The following CSGALNACT1 variants were observed in gnomAD, a reference collection of about 807,000 sequenced individuals.
CSGALNACT1 encodes the protein beta4GalNAcT-1.
In CSGALNACT1, 52 loss-of-function variants were observed where a neutral mutation model predicts 51.0. The observed-to-expected ratio is 1.02, with a 90% CI of 0.82 to 1.29. The LOEUF is 1.29. Among genes scored for constraint, CSGALNACT1 ranks in the 50% most tolerant of loss-of-function variants. The pLI, the probability that CSGALNACT1 is intolerant of heterozygous loss-of-function variation, is 0.00. For synonymous variants in CSGALNACT1, 341 were observed against 254.4 expected (o/e 1.34, Z -3.24); for missense variants, 935 against 679.2 (o/e 1.38, Z -4.19).
intron 1 of CSGALNACT1, among the ~76,000 whole-genome samples, chr8:19,623,129 A>T (rs1204671564): frequency 6.6e-6 from 1 of 152,230 alleles, no homozygotes; most frequent in East Asian, 1.9e-4. Flanking sequence ...GTTAAAAAAC[A>T]TATGCAAATA....
intron 2 of CSGALNACT1, among the ~76,000 whole-genome samples, chr8:19,599,494 A>AAGAAAGAAAGAAAGAC (rs2049860098): frequency 2.0e-5 from 3 of 149,094 alleles, no homozygotes; most frequent in Non-Finnish European, 3.0e-5. Context: ...GAAAGAAAGA[A>AAGAAAGAAAGAAAGAC]AGAAAGAAAG....
At chr8:19,666,943 A>AAAAGAAAG (rs1159962282) in intron 1 of CSGALNACT1, among the ~76,000 whole-genome samples, 9 of 79,474 alleles carry the variant, frequency 1.1e-4, no homozygotes, top group East Asian at 3.5e-4. Context: ...GAGAGAGAGA[A>AAAAGAAAG]AAAGAAAGAA....
intron 1 of CSGALNACT1, among the ~76,000 whole-genome samples, chr8:19,674,493 G>A (rs1393439298): frequency 6.6e-6 from 1 of 152,138 alleles, no homozygotes. Flanking sequence ...AGGTGAAGGC[G>A]ACTGCAGAAG....
intron 3 of CSGALNACT1, among the ~76,000 whole-genome samples, chr8:19,567,300 G>A (rs1255545086): frequency 3.3e-5 from 5 of 152,190 alleles, no homozygotes; most frequent in East Asian, 1.9e-4. Flanking sequence ...TCCAGCAGTC[G>A]TTAGCCAGGA....
intron 4 of CSGALNACT1, among the ~76,000 whole-genome samples, chr8:19,501,106 C>G (rs2076338125): frequency 6.6e-6 from 1 of 151,488 alleles, no homozygotes; most frequent in Non-Finnish European, 1.5e-5. Flanking sequence ...AAAAATTAAC[C>G]AAGCATAGTG....
At chr8:19,747,308 C>T (rs760215380) in intron 1 of CSGALNACT1, among the ~76,000 whole-genome samples, 12 of 151,812 alleles carry the variant, frequency 7.9e-5, no homozygotes, top group African/African-American at 1.9e-4. Flanking sequence ...GAACACCAAA[C>T]GTGAAGATAC....
chr8:19,467,626 G>GT lies in CSGALNACT1; in HGVS notation c.635-8985dup, dbSNP rs558704810. Among the ~76,000 whole-genome samples the GT allele has an allele frequency of 4.9e-3, 722 of 148,526 alleles. 9 individuals are homozygous for GT. The highest frequency in any genetic ancestry group is 0.016 in the African/African-American group (630 of 40,592). On this transcript the variant is annotated intron_variant, in intron 4 of 9. Transcript: ENST00000454498. ...AGTTCAAATGCAAATGACCTGGTTA[G>GT]TTTTTTTTTTTATTAATTTTTTTCG...
chr8:19,599,472 AAAAGAAAGAAAG>A (rs201098374), intron 2 of CSGALNACT1, among the ~76,000 whole-genome samples: 2,378 of 113,780 alleles, frequency 0.021, 36 homozygotes, highest in African/African-American at 0.024. Flanking sequence ...GAAAGAAAGA[AAAAGAAAGAAAG>A]AAAGAAAGAA....
intron 1 of CSGALNACT1, among the ~76,000 whole-genome samples, chr8:19,722,307 T>C (rs1177242009): frequency 6.6e-6 from 1 of 152,184 alleles, no homozygotes; most frequent in African/African-American, 2.4e-5. Flanking sequence ...TTTATTTAAA[T>C]AAATGAATTA....
intron 3 of CSGALNACT1, among the ~76,000 whole-genome samples, chr8:19,525,532 G>A (rs548830974): frequency 4.1e-4 from 57 of 139,966 alleles, no homozygotes; most frequent in African/African-American, 1.1e-3. Flanking sequence ...TAGGAGAATC[G>A]CTTGAACCCA....
chr8:19,678,120 A>C (rs971891526), intron 1 of CSGALNACT1, among the ~76,000 whole-genome samples: 1 of 152,146 alleles, frequency 6.6e-6, no homozygotes, highest in African/African-American at 2.4e-5. Context: ...AACAAAAAAA[A>C]AAATTACCCC....
intron 1 of CSGALNACT1, among the ~76,000 whole-genome samples, chr8:19,630,832 T>A (rs2055148787): frequency 6.6e-6 from 1 of 150,878 alleles, no homozygotes. Context: ...TAAGAACAGT[T>A]TTAGGGTTAC....
chr8:19,462,270 C>T (rs2065731289), intron 4 of CSGALNACT1, among the ~76,000 whole-genome samples: 1 of 152,192 alleles, frequency 6.6e-6, no homozygotes, highest in South Asian at 2.1e-4. Context: ...CATAACTTCT[C>T]CACACAGTCA....
At chr8:19,592,420 T>C (rs1313172525) in intron 2 of CSGALNACT1, among the ~76,000 whole-genome samples, 1 of 152,196 alleles carries the variant, frequency 6.6e-6, no homozygotes, top group East Asian at 1.9e-4. Context: ...TATGTACGTA[T>C]ATACATGAGG....
rs561108629 is a variant in CSGALNACT1 at position 19,678,282 on chromosome 8, A to G, written c.-544+4191T>C. On this transcript the variant is annotated intron_variant, in intron 1 of 9. Transcript: ENST00000332246. ...GAAGTATCCAGACATCTCTGCATAG[A>G]GGGCTCTTTAGAATTAGCATGTAAT... 3.9e-5 allele frequency among the ~76,000 whole-genome samples: 6 copies of G among 152,324 alleles called. No homozygotes were observed. In the South Asian group the frequency reaches 1.0e-3, roughly 26 times the overall value.
chr8:19,607,607 G>C (rs994582075), intron 1 of CSGALNACT1, among the ~76,000 whole-genome samples: 7 of 152,202 alleles, frequency 4.6e-5, no homozygotes, highest in African/African-American at 1.7e-4. Context: ...CACTACAGCT[G>C]CTCAGCTGGT....
At chr8:19,645,372 A>C (rs2057169893) in intron 1 of CSGALNACT1, among the ~76,000 whole-genome samples, 1 of 152,218 alleles carries the variant, frequency 6.6e-6, no homozygotes. Context: ...GCTATAAAAC[A>C]ACACTCAAGC....
chr8:19,511,394 C>G (rs2078441073), intron 3 of CSGALNACT1, among the ~76,000 whole-genome samples: 1 of 152,164 alleles, frequency 6.6e-6, no homozygotes, highest in Admixed American at 6.5e-5. Flanking sequence ...AACCTTCAAT[C>G]AAAGGATTAG....
chr8:19,568,441 G>C (rs191418678), intron 3 of CSGALNACT1, among the ~76,000 whole-genome samples: 32 of 152,262 alleles, frequency 2.1e-4, no homozygotes, highest in African/African-American at 7.2e-4. Flanking sequence ...ATTATGCGGT[G>C]CATGGCTGTA....
Sources: allele counts gnomAD v4.1 joint callset (sites outside exome capture counted in the v4.1 genomes callset), GRCh38; gene constraint gnomAD v4.1.1; transcripts MANE v1.5; gene names NCBI Gene and HGNC (gene_info 2026-07-23, HGNC 2026-07-21).